The following DOK5 variants were observed in gnomAD, a reference collection of about 807,000 sequenced individuals.
DOK5 encodes the protein docking protein 5.
In DOK5, 27 loss-of-function variants were observed where a neutral mutation model predicts 43.3. The observed-to-expected ratio is 0.62, with a 90% CI of 0.46 to 0.86. The LOEUF is 0.86. DOK5 is among the 40% of genes least tolerant of loss of function. The pLI, the probability that DOK5 is intolerant of heterozygous loss-of-function variation, is 0.00. For missense variants in DOK5, 373 were observed against 392.9 expected (o/e 0.95, Z 0.43); for synonymous variants, 146 against 140.1 (o/e 1.04, Z -0.30).
At chr20:54,615,303 C>T (rs184273713) in intron 6 of DOK5, among the ~76,000 whole-genome samples, 13 of 152,270 alleles carry the variant, frequency 8.5e-5, no homozygotes, top group South Asian at 2.1e-4. Flanking sequence ...TCCCCAAATA[C>T]GCCCGCATTC....
chr20:54,624,760 A>G (rs1987085313), intron 6 of DOK5, among the ~76,000 whole-genome samples: 1 of 152,226 alleles, frequency 6.6e-6, no homozygotes, highest in Non-Finnish European at 1.5e-5. Flanking sequence ...CTCCGAATAA[A>G]TTGATGCAAA....
rs776631960 is a variant in DOK5, at chr20:54,555,043, A to G, written c.174+3A>G. ...CATATTTCAGGTGTTATCATAAGGT[A>G]AGACTCAATTGCTGTAGCTTTCCAG... On this transcript the variant is annotated splice_donor_region_variant and intron_variant, in intron 2 of 7. Coordinates refer to ENST00000262593, the MANE Select transcript of DOK5 (RefSeq NM_018431.5). 8.2e-6 allele frequency: 13 copies of G among 1,594,218 alleles called. No homozygotes were observed. The East Asian group carries it at 2.5e-4, about 30-fold the overall frequency.
intron 6 of DOK5, among the ~76,000 whole-genome samples, chr20:54,640,646 T>C (rs1027182509): frequency 1.3e-5 from 2 of 152,232 alleles, no homozygotes; most frequent in African/African-American, 4.8e-5. Context: ...GTTGCTGTCA[T>C]TTCACTCTTG....
chr20:54,560,529 C>A (rs1006893328), intron 2 of DOK5, among the ~76,000 whole-genome samples: 16 of 152,276 alleles, frequency 1.1e-4, no homozygotes, highest in African/African-American at 2.9e-4. Flanking sequence ...GTACTTTTTT[C>A]TAGTCAAGGA....
At chr20:54,609,114 G>A (rs921481111) in intron 5 of DOK5, among the ~76,000 whole-genome samples, 4 of 152,308 alleles carry the variant, frequency 2.6e-5, no homozygotes, top group Admixed American at 1.3e-4. Flanking sequence ...GGCCAACTGC[G>A]AAACATTAGA....
intron 6 of DOK5, among the ~76,000 whole-genome samples, chr20:54,628,877 C>T (rs896599882): frequency 2.0e-5 from 3 of 152,128 alleles, no homozygotes; most frequent in African/African-American, 7.2e-5. Context: ...ACTGCACAAG[C>T]ACATTTTTTA....
chr20:54,528,336 G>A (rs79608551), intron 1 of DOK5, among the ~76,000 whole-genome samples: 3,020 of 152,204 alleles, frequency 0.02, 101 homozygotes, highest in African/African-American at 0.07. Flanking sequence ...TATTAAGGTC[G>A]TTTAGTTTTC....
At chr20:54,510,921 T>A (rs1982993607) in intron 1 of DOK5, among the ~76,000 whole-genome samples, 1 of 152,190 alleles carries the variant, frequency 6.6e-6, no homozygotes, top group Admixed American at 6.5e-5. Flanking sequence ...CTGTCCGTGG[T>A]GCTCAGCAGG....
chr20:54,554,345 A>G (rs939051274), intron 1 of DOK5, among the ~76,000 whole-genome samples: 4 of 152,230 alleles, frequency 2.6e-5, no homozygotes, highest in Non-Finnish European at 5.9e-5. Context: ...GTTTAAACCT[A>G]CCAGCATTGA....
intron 6 of DOK5, among the ~76,000 whole-genome samples, chr20:54,613,312 G>T (rs970481750): frequency 6.6e-6 from 1 of 152,012 alleles, no homozygotes; most frequent in African/African-American, 2.4e-5. Context: ...ATTAGATTGA[G>T]AAGGAATGGG....
chr20:54,498,165 T>C (rs1428430506), intron 1 of DOK5, among the ~76,000 whole-genome samples: 1 of 152,224 alleles, frequency 6.6e-6, no homozygotes, highest in African/African-American at 2.4e-5. Flanking sequence ...CTGTATATTT[T>C]GTGTTGCAGG....
intron 2 of DOK5, among the ~76,000 whole-genome samples, chr20:54,581,464 A>G (rs1985637572): frequency 6.6e-6 from 1 of 151,238 alleles, no homozygotes; most frequent in Non-Finnish European, 1.5e-5. Context: ...TTGTATGTTA[A>G]GTCTTTTTTT....
chr20:54,497,029 T>C (rs999921335), intron 1 of DOK5, among the ~76,000 whole-genome samples: 1 of 152,208 alleles, frequency 6.6e-6, no homozygotes, highest in African/African-American at 2.4e-5. Flanking sequence ...GGCTACATTG[T>C]GATTCTGGAC....
At chr20:54,598,912 A>G (rs1319919445) in intron 5 of DOK5, among the ~76,000 whole-genome samples, 1 of 152,210 alleles carries the variant, frequency 6.6e-6, no homozygotes, top group African/African-American at 2.4e-5. Flanking sequence ...AACCAGCCTA[A>G]TTGGTGAAAT....
intron 5 of DOK5, among the ~76,000 whole-genome samples, chr20:54,599,920 G>A (rs73913618): frequency 0.011 from 1,648 of 152,258 alleles, 24 homozygotes; most frequent in African/African-American, 0.038. Context: ...AGACAATGAT[G>A]AACATTTTAA....
chr20:54,512,456 C>T (rs562634869), intron 1 of DOK5, among the ~76,000 whole-genome samples: 1 of 152,072 alleles, frequency 6.6e-6, no homozygotes, highest in East Asian at 1.9e-4. Flanking sequence ...ATTTTTTTCT[C>T]ATATTGGGGG....
intron 7 of DOK5, 91 bp downstream of exon 7, chr20:54,643,669 A>C (rs1979237246): frequency 6.7e-7 from 1 of 1,485,952 alleles, no homozygotes; most frequent in Non-Finnish European, 9.0e-7. Context: ...GCTGCATGCC[A>C]GCTGGTTAGT....
intron 5 of DOK5, among the ~76,000 whole-genome samples, chr20:54,609,186 G>A (rs1016397879): frequency 3.3e-5 from 5 of 152,164 alleles, no homozygotes; most frequent in African/African-American, 1.2e-4. Context: ...AAAAATAACA[G>A]TGGTTTAGGC....
chr20:54,559,137 C>T (rs1300020198), intron 2 of DOK5, among the ~76,000 whole-genome samples: 1 of 152,076 alleles, frequency 6.6e-6, no homozygotes, highest in East Asian at 1.9e-4. Context: ...TGTTTTCCTT[C>T]AGGAAATAAT....
Sources: allele counts gnomAD v4.1 joint callset (sites outside exome capture counted in the v4.1 genomes callset), GRCh38; gene constraint gnomAD v4.1.1; transcripts MANE v1.5; gene names NCBI Gene and HGNC (gene_info 2026-07-23, HGNC 2026-07-21).